Variants in MFSD8 observed in about 807,000 individuals in gnomAD.
MFSD8 encodes major facilitator superfamily domain containing 8.
Under a neutral mutation model 66.4 loss-of-function variants are expected in MFSD8, and 55 were observed. That is an observed-to-expected ratio of 0.83 (90% CI 0.67 to 1.04). MFSD8 has a LOEUF of 1.04. Among genes scored for constraint, MFSD8 ranks in the 50% least tolerant of loss-of-function variants. The pLI, the probability that MFSD8 is intolerant of heterozygous loss-of-function variation, is 0.00. For missense variants in MFSD8, 550 were observed against 627.6 expected, an observed-to-expected ratio of 0.88 and a Z score of 1.32; for synonymous variants, 202 against 212.8, an observed-to-expected ratio of 0.95 and a Z score of 0.44.
chr4:127,935,769 T>G (rs1331634056), intron 7 of MFSD8, among the ~76,000 whole-genome samples: 1 of 152,184 alleles, frequency 6.6e-6, no homozygotes, highest in Admixed American at 6.5e-5. Flanking sequence ...CATATACCCA[T>G]TATTGAGCAC....
chr4:127,940,825 C>A (rs1178959222), intron 5 of MFSD8, among the ~76,000 whole-genome samples: 1 of 151,840 alleles, frequency 6.6e-6, no homozygotes, highest in Admixed American at 6.6e-5. Flanking sequence ...TATAGTAATT[C>A]ACATATAACT....
At chr4:127,952,276 G>A (rs1742119686) in intron 2 of MFSD8, among the ~76,000 whole-genome samples, 1 of 151,720 alleles carries the variant, frequency 6.6e-6, no homozygotes, top group Admixed American at 6.6e-5. Context: ...GTAGCGGCAT[G>A]CATCGTAGTC....
intron 3 of MFSD8, among the ~76,000 whole-genome samples, chr4:127,946,876 C>G (rs996429125): frequency 6.6e-6 from 1 of 151,224 alleles, no homozygotes; most frequent in African/African-American, 2.4e-5. Flanking sequence ...GATTGCATCA[C>G]TGACCTCGAG....
At chr4:127,927,392 T>C (rs1737389556) in intron 9 of MFSD8, among the ~76,000 whole-genome samples, 1 of 152,176 alleles carries the variant, frequency 6.6e-6, no homozygotes, top group Admixed American at 6.5e-5. Context: ...GCCGGGCTGG[T>C]CTCGAACTTC....
intron 2 of MFSD8, among the ~76,000 whole-genome samples, chr4:127,952,271 G>A (rs1233464430): frequency 2.0e-5 from 3 of 151,626 alleles, no homozygotes; most frequent in Admixed American, 6.6e-5. Context: ...CGGGTGTAGC[G>A]GCATGCATCG....
intron 2 of MFSD8, among the ~76,000 whole-genome samples, chr4:127,953,494 A>G (rs1368538188): frequency 1.3e-5 from 2 of 149,796 alleles, no homozygotes; most frequent in African/African-American, 2.4e-5. Flanking sequence ...ACGTTACAGT[A>G]TAAGCCAACT....
intron 9 of MFSD8, among the ~76,000 whole-genome samples, chr4:127,923,127 C>G (rs1736587514): frequency 6.6e-6 from 1 of 152,162 alleles, no homozygotes; most frequent in Non-Finnish European, 1.5e-5. Context: ...ATTTCTTTCT[C>G]TTGCCTGATT....
In MFSD8 at chr4:127,920,910, A is replaced by G. The variant is rs989236044; in HGVS notation, c.1351-74T>C. 26 of 1,381,120 alleles carry G rather than the reference A, an allele frequency of 1.9e-5. 1 individual carries two copies. Among genetic ancestry groups the G allele is most frequent in the African/African-American group, 4.3e-5 (3 of 69,758 alleles). The allele number at this position is 1,381,120 out of a possible 1,614,324, so 85.6% of individuals were successfully genotyped here. ...TATTTAAAAGCAAAGAAATGGTATT[A>G]CCAAACTACAGCAAACTTACAAGAA... On this transcript the variant is annotated intron_variant, in intron 11 of 11. Transcript: ENST00000641686.
intron 3 of MFSD8, among the ~76,000 whole-genome samples, chr4:127,946,701 G>C (rs910706168): frequency 5.9e-5 from 9 of 152,058 alleles, no homozygotes; most frequent in Admixed American, 1.3e-4. Flanking sequence ...GGTCACCCAA[G>C]GTCAGGAGTT....
intron 7 of MFSD8, among the ~76,000 whole-genome samples, chr4:127,936,936 T>A (rs1285483161): frequency 6.6e-6 from 1 of 152,206 alleles, no homozygotes; most frequent in African/African-American, 2.4e-5. Context: ...CCTCACCCTC[T>A]TAACTTCCTC....
intron 3 of MFSD8, among the ~76,000 whole-genome samples, chr4:127,949,323 C>T (rs1266583454): frequency 6.6e-6 from 1 of 152,100 alleles, no homozygotes; most frequent in African/African-American, 2.4e-5. Flanking sequence ...TTCATGTCAC[C>T]CCCTCTTCCC....
At chr4:127,942,774 T>C (rs754822767) in intron 4 of MFSD8, among the ~76,000 whole-genome samples, 1 of 152,050 alleles carries the variant, frequency 6.6e-6, no homozygotes, top group African/African-American at 2.4e-5. Context: ...ATTACAATAT[T>C]ACAAACTCTG....
intron 7 of MFSD8, chr4:127,933,435 G>A: frequency 4.7e-6 from 1 of 214,950 alleles, no homozygotes. Context: ...GTAGAGATGA[G>A]GTTTCATCAT....
chr4:127,947,535 G>A (rs1578932230), intron 3 of MFSD8, among the ~76,000 whole-genome samples: 1 of 146,428 alleles, frequency 6.8e-6, no homozygotes, highest in South Asian at 2.2e-4. Context: ...CCAAGATCAC[G>A]CCACTGCATG....
rs976533060 is a variant in MFSD8 at position 127,933,076 on chromosome 4, G to C, written c.772C>G (p.Gln258Glu). 2.6e-5 allele frequency: 42 copies of C among 1,613,522 alleles called. No homozygotes were observed. The highest frequency in any genetic ancestry group is 3.5e-5 in the Non-Finnish European group (41 of 1,179,730). ...NFEEASTDEA[Q>E]VPQGNIDQVA... ...TGGTCAATATTTCCTTGGGGAACCTGAGCTTCATCTGTACTTGCTATAGGG... is the reference window on the plus strand; with the variant it reads ...TGGTCAATATTTCCTTGGGGAACCTCAGCTTCATCTGTACTTGCTATAGGG... Residue 258 changes from glutamine to glutamate, a missense_variant, in exon 8 of 12, where the codon CAG (glutamine) becomes GAG (glutamate). By Grantham distance (29) the Gln-to-Glu change is conservative. Transcript: ENST00000641686.
At chr4:127,945,681 A>G (rs1354395376) in intron 3 of MFSD8, 1 of 152,108 alleles carries the variant, frequency 6.6e-6, no homozygotes, top group Non-Finnish European at 1.5e-5. Context: ...TTTATGAAAA[A>G]AATAAGAAAT....
At chr4:127,938,022 T>A (rs969196397) in intron 7 of MFSD8, among the ~76,000 whole-genome samples, 1 of 152,090 alleles carries the variant, frequency 6.6e-6, no homozygotes, top group Non-Finnish European at 1.5e-5. Flanking sequence ...CTGGCTTATA[T>A]GAATCAGAGA....
At chr4:127,940,955 T>C (rs6534649) in intron 5 of MFSD8, among the ~76,000 whole-genome samples, 149,935 of 152,264 alleles carry the variant, frequency 0.98, 73,866 homozygotes, top group East Asian at 1. Context: ...CATCGAAGCT[T>C]TTCAGGCTTA....
At position 127,919,479 on chromosome 4, in the gene MFSD8, G is replaced by C. The variant is rs1394587130; in HGVS notation, c.*1151C>G. ...TATCAATATACATAGTTATCTACTA[G>C]TTCCTTTTATCAGCATTCAACTTAT... On this transcript the variant is annotated 3_prime_UTR_variant, in exon 12 of 12. Coordinates refer to ENST00000641686, the MANE Select transcript of MFSD8 (RefSeq NM_001371596.2). The C allele has an allele frequency of 6.6e-6, 1 of 152,192 alleles. No homozygotes were observed. Among genetic ancestry groups the C allele is most frequent in the African/African-American group, 2.4e-5 (1 of 41,444 alleles). 9.4% of individuals were successfully genotyped at this position (152,192 alleles called of 1,614,324 possible). A position where few individuals can be genotyped will look rare whatever the true frequency, so the allele number is the denominator to read the frequency against.
Sources: allele counts gnomAD v4.1 joint callset (sites outside exome capture counted in the v4.1 genomes callset), GRCh38; gene constraint gnomAD v4.1.1; transcripts MANE v1.5; gene names NCBI Gene and HGNC (gene_info 2026-07-23, HGNC 2026-07-21).